Variants in UBR3 observed in about 807,000 individuals in gnomAD.
UBR3 encodes E3 ubiquitin-protein ligase UBR3.
Under a neutral mutation model 243.2 loss-of-function variants are expected in UBR3, and 85 were observed. The observed-to-expected ratio is 0.35, with a 90% confidence interval of 0.29 to 0.42. The LOEUF is 0.42. Among genes scored for constraint, UBR3 ranks in the 10% least tolerant of loss-of-function variants. The pLI is 1.00. For missense variants in UBR3, 1,686 were observed against 2,300.8 expected (o/e 0.73, Z 5.47); for synonymous variants, 748 against 799.8 (o/e 0.94, Z 1.09).
chr2:169,908,483 C>T (rs923524040), intron 10 of UBR3, among the ~76,000 whole-genome samples: 1 of 152,202 alleles, frequency 6.6e-6, no homozygotes, highest in Middle Eastern at 3.4e-3. Context: ...TTTGTTTGTT[C>T]ATTTATTCAA....
intron 24 of UBR3, among the ~76,000 whole-genome samples, chr2:169,966,377 T>G (rs2087810590): frequency 6.6e-6 from 1 of 152,318 alleles, no homozygotes; most frequent in Middle Eastern, 3.4e-3. Context: ...TATTACATTT[T>G]AATTGTAAAA....
intron 38 of UBR3, among the ~76,000 whole-genome samples, chr2:170,081,468 C>T (rs887330958): frequency 6.6e-6 from 1 of 151,822 alleles, no homozygotes; most frequent in Non-Finnish European, 1.5e-5. Flanking sequence ...CCACTGCACT[C>T]CAGCCTGGGT....
chr2:169,913,978 A>G (rs2085355167), intron 10 of UBR3, 82 bp from the exon 11 acceptor site: 3 of 557,920 alleles, frequency 5.4e-6, no homozygotes, highest in African/African-American at 2.0e-5. Context: ...TATATACACA[A>G]TGCATATAAT....
chr2:169,890,525 GGAGAGAGAGA>G (rs781214598), intron 5 of UBR3, among the ~76,000 whole-genome samples: 13 of 67,866 alleles, frequency 1.9e-4, no homozygotes, highest in African/African-American at 8.4e-4. Context: ...GGTTTTTCTA[GGAGAGAGAGA>G]GAGAGATATA....
intron 1 of UBR3, among the ~76,000 whole-genome samples, chr2:169,855,626 T>G (rs375967435): frequency 3.3e-5 from 5 of 152,340 alleles, no homozygotes; most frequent in East Asian, 3.9e-4. Context: ...ATTTAACCCT[T>G]AGTGGACACA....
At chr2:170,021,741 A>G (rs955296278) in intron 30 of UBR3, among the ~76,000 whole-genome samples, 3 of 152,140 alleles carry the variant, frequency 2.0e-5, no homozygotes, top group African/African-American at 7.2e-5. Context: ...AACAAAATAC[A>G]TTGTTAATTT....
At chr2:169,884,302 G>A (rs191610526) in intron 5 of UBR3, among the ~76,000 whole-genome samples, 6 of 151,942 alleles carry the variant, frequency 3.9e-5, no homozygotes, top group Admixed American at 2.6e-4. Context: ...ACAGGCACCC[G>A]CCACCACACC....
chr2:169,864,129 T>G (rs1463532169), intron 1 of UBR3, among the ~76,000 whole-genome samples: 1 of 152,110 alleles, frequency 6.6e-6, no homozygotes, highest in South Asian at 2.1e-4. Flanking sequence ...CACTGCAACC[T>G]TCTGCGTACA....
intron 36 of UBR3, chr2:170,077,631 G>T (rs2091838306): frequency 4.4e-6 from 2 of 450,478 alleles, no homozygotes; most frequent in Admixed American, 4.1e-5. Context: ...TGTTGCCCAG[G>T]CTTGAGTGCA....
chr2:169,930,536 A>G (rs1331708341), intron 18 of UBR3, among the ~76,000 whole-genome samples: 2 of 151,870 alleles, frequency 1.3e-5, no homozygotes, highest in African/African-American at 4.8e-5. Flanking sequence ...ATAGACACCC[A>G]CCACCATGCT....
chr2:170,057,316 C>T (rs944589751), intron 33 of UBR3, among the ~76,000 whole-genome samples: 25 of 152,168 alleles, frequency 1.6e-4, no homozygotes, highest in African/African-American at 5.8e-4. Context: ...TGGGTTTTTA[C>T]CATGTTGCCC....
At chr2:170,018,523 CT>C (rs1170980461) in intron 30 of UBR3, among the ~76,000 whole-genome samples, 1 of 152,184 alleles carries the variant, frequency 6.6e-6, no homozygotes, top group Non-Finnish European at 1.5e-5. Flanking sequence ...TGGTTCTCAT[CT>C]GCTGGACTTG....
intron 22 of UBR3, 129 bp from the exon 23 acceptor site, chr2:169,949,476 G>C (rs1008649153): frequency 2.3e-6 from 2 of 861,016 alleles, no homozygotes; most frequent in South Asian, 4.2e-5. Flanking sequence ...TATTTAAAGA[G>C]CAAATCTATT....
At chr2:169,842,106 CTG>C (rs1208069609) in intron 1 of UBR3, among the ~76,000 whole-genome samples, 4 of 151,166 alleles carry the variant, frequency 2.6e-5, no homozygotes, top group African/African-American at 7.3e-5. Flanking sequence ...AATCGACACT[CTG>C]TATCTAGCTG....
chr2:169,869,267 G>A (rs1013311608), intron 1 of UBR3, among the ~76,000 whole-genome samples: 3 of 130,546 alleles, frequency 2.3e-5, no homozygotes, highest in Non-Finnish European at 4.7e-5. Context: ...TGTCACCTAG[G>A]CTCGAGTGCA....
intron 10 of UBR3, among the ~76,000 whole-genome samples, chr2:169,907,165 T>A (rs2105334459): frequency 6.6e-6 from 1 of 151,294 alleles, no homozygotes; most frequent in South Asian, 2.1e-4. Flanking sequence ...GCCTCCCGAG[T>A]AGCTGGGATT....
rs2082099210 is a variant in UBR3, at chr2:169,836,063, ATATATTTTTTTTTTT to A, written c.545+8013_545+8027del. 7.5e-5 allele frequency among the ~76,000 whole-genome samples: 2 copies of A among 26,612 alleles called. 1 individual carries two copies. Among genetic ancestry groups the A allele is most frequent in the Middle Eastern group, 0.077 (2 of 26 alleles). 17.5% of individuals were successfully genotyped at this position (26,612 alleles called of 152,430 possible). On this transcript the variant is annotated intron_variant, in intron 1 of 38. Transcript: ENST00000272793. ...TCTCTCTATATATATATATATATAT[ATATATTTTTTTTTTT>A]TTTTTTTTTTTTTTTGAGATGGAAA...
intron 25 of UBR3, among the ~76,000 whole-genome samples, chr2:169,991,776 G>A (rs2089284152): frequency 6.6e-6 from 1 of 152,064 alleles, no homozygotes; most frequent in Admixed American, 6.6e-5. Context: ...TAGAGATGGG[G>A]TTTCACTGTG....
chr2:169,946,423 G>T, intron 21 of UBR3, 31 bp downstream of exon 21: 1 of 1,322,472 alleles, frequency 7.6e-7, no homozygotes, highest in Non-Finnish European at 1.0e-6. Flanking sequence ...AAAATTTTTA[G>T]ATAGGCAGCC....
Sources: allele counts gnomAD v4.1 joint callset (sites outside exome capture counted in the v4.1 genomes callset), GRCh38; gene constraint gnomAD v4.1.1; transcripts MANE v1.5; gene names NCBI Gene and HGNC (gene_info 2026-07-23, HGNC 2026-07-21).